Variants in CAB39 observed in about 807,000 individuals in gnomAD.
The protein encoded by CAB39 is calcium-binding protein 39.
In CAB39, 8 loss-of-function variants were observed where a neutral mutation model predicts 40.0. The ratio of observed to expected loss-of-function variants is 0.20; its 90% confidence interval spans 0.12 to 0.36. The LOEUF (loss-of-function observed/expected upper bound fraction) is 0.36. CAB39 is among the 10% of genes least tolerant of loss of function. The pLI is 1.00. For missense variants in CAB39, 270 were observed against 401.1 expected (o/e 0.67, Z 2.79); for synonymous variants, 156 against 141.6 (o/e 1.10, Z -0.72).
At chr2:230,746,079 T>C (rs1362684928) in intron 1 of CAB39, among the ~76,000 whole-genome samples, 1 of 152,220 alleles carries the variant, frequency 6.6e-6, no homozygotes, top group African/African-American at 2.4e-5. Context: ...GTGATTACTG[T>C]GTTTAAAATT....
rs1696499958 is a variant in CAB39, at chr2:230,821,049, T to C, written c.*2345T>C. 1 of 152,540 alleles carries C rather than the reference T, an allele frequency of 6.6e-6. No homozygotes were observed. Among genetic ancestry groups the C allele is most frequent in the Non-Finnish European group, 1.5e-5 (1 of 68,044 alleles). The allele number at this position is 152,540 out of a possible 1,614,324, so 9.4% of individuals were successfully genotyped here. Reference sequence around the variant, plus strand: ...TATCTGGCTGGCCCTGTAATTTAAATTAAAATAAAATTTTGGAGAAACAGC... The same window carrying C: ...TATCTGGCTGGCCCTGTAATTTAAACTAAAATAAAATTTTGGAGAAACAGC... On this transcript the variant is annotated 3_prime_UTR_variant, in exon 9 of 9. Transcript: ENST00000258418.
chr2:230,718,458 T>A (rs1694390460), intron 1 of CAB39, among the ~76,000 whole-genome samples: 1 of 152,164 alleles, frequency 6.6e-6, no homozygotes, highest in Non-Finnish European at 1.5e-5. Flanking sequence ...GTTTATAGAA[T>A]TTGGAGAGGT....
rs1696034136 is a variant in CAB39, at chr2:230,798,737, C to T, written c.407C>T (p.Ser136Phe). ...ILFMLLKGYE[S>F]PEIALNCGIM... The stretch of plus-strand genomic sequence containing the variant: ...GTTTTTTGTTTTTGCAGGTATGAAT[C>T]TCCAGAAATAGCTCTAAATTGTGGA... Residue 136 changes from serine to phenylalanine, a missense_variant, in exon 5 of 9, where the codon TCT becomes TTT. Transcript: ENST00000258418. 6.3e-7 allele frequency: 1 copy of T among 1,579,268 alleles called. No individual in the cohort carries two copies. Among genetic ancestry groups the T allele is most frequent in the East Asian group, 2.3e-5 (1 of 44,138 alleles).
intron 1 of CAB39, among the ~76,000 whole-genome samples, chr2:230,735,470 C>T (rs1694772610): frequency 6.7e-6 from 1 of 149,612 alleles, no homozygotes; most frequent in African/African-American, 2.5e-5. Flanking sequence ...CCCAGCTCAG[C>T]CATTATTTTA....
chr2:230,787,054 A>G (rs1398404229), intron 2 of CAB39, among the ~76,000 whole-genome samples: 2 of 152,208 alleles, frequency 1.3e-5, no homozygotes, highest in African/African-American at 4.8e-5. Flanking sequence ...AAGCATTTAG[A>G]AAAGAATGTC....
chr2:230,732,972 A>AT (rs1694721136), intron 1 of CAB39, among the ~76,000 whole-genome samples: 1 of 152,196 alleles, frequency 6.6e-6, no homozygotes, highest in African/African-American at 2.4e-5. Context: ...ATTAAAAAAA[A>AT]TTTTAAATAT....
chr2:230,818,501 T>C lies in CAB39; in HGVS notation c.838-15T>C, dbSNP rs775643191. Reference sequence around the variant, plus strand: ...GTCCTTTCTCTGTGCCTCATGTGCGTTTCTCTCCACGCAGGTGTTTGTAGC... The same window carrying C: ...GTCCTTTCTCTGTGCCTCATGTGCGCTTCTCTCCACGCAGGTGTTTGTAGC... On this transcript the variant is annotated splice_polypyrimidine_tract_variant and intron_variant, in intron 8 of 8. Coordinates refer to ENST00000258418, the MANE Select transcript of CAB39 (RefSeq NM_016289.4). 3 of 1,610,758 alleles carry C rather than the reference T, an allele frequency of 1.9e-6. No homozygotes were observed. The highest frequency in any genetic ancestry group is 2.5e-6 in the Non-Finnish European group (3 of 1,177,930).
chr2:230,717,635 G>A (rs1388256338), intron 1 of CAB39, among the ~76,000 whole-genome samples: 2 of 152,192 alleles, frequency 1.3e-5, no homozygotes, highest in Non-Finnish European at 2.9e-5. Context: ...CAGGCCCTCC[G>A]AGGATTATGA....
chr2:230,791,868 GTAA>G (rs1381590291), intron 3 of CAB39, among the ~76,000 whole-genome samples: 2 of 152,194 alleles, frequency 1.3e-5, no homozygotes, highest in Non-Finnish European at 2.9e-5. Flanking sequence ...TGCATATATG[GTAA>G]TGAAGCTAAT....
At chr2:230,748,832 ATATATATATATATATATATATATAT>A (rs1193401887) in intron 1 of CAB39, among the ~76,000 whole-genome samples, 2 of 21,748 alleles carry the variant, frequency 9.2e-5, no homozygotes, top group Admixed American at 6.6e-4. Context: ...AAAAAAAAAA[ATATATATATATATATATATATATAT>A]ATATATATAT....
intron 1 of CAB39, among the ~76,000 whole-genome samples, chr2:230,746,166 G>A (rs1006251962): frequency 6.6e-6 from 1 of 152,186 alleles, no homozygotes; most frequent in Admixed American, 6.5e-5. Context: ...ACAAAAAGTA[G>A]AATCTGGAAT....
chr2:230,801,426 T>A (rs563308448), intron 5 of CAB39, among the ~76,000 whole-genome samples: 3 of 152,222 alleles, frequency 2.0e-5, no homozygotes, highest in African/African-American at 7.2e-5. Flanking sequence ...CATATTCTTA[T>A]AATGGAAAAG....
At chr2:230,727,048 AC>A (rs1255337998) in intron 1 of CAB39, among the ~76,000 whole-genome samples, 1 of 151,912 alleles carries the variant, frequency 6.6e-6, no homozygotes, top group Non-Finnish European at 1.5e-5. Context: ...GAGGAACAAG[AC>A]ATAGGAGTAT....
intron 2 of CAB39, among the ~76,000 whole-genome samples, chr2:230,773,298 G>GTGTATATATATATA (rs759059088): frequency 7.8e-6 from 1 of 127,780 alleles, no homozygotes. Context: ...GGGTGTATGT[G>GTGTATATATATATA]TATATATATA....
intron 2 of CAB39, among the ~76,000 whole-genome samples, chr2:230,775,443 C>A (rs1302855144): frequency 6.6e-6 from 1 of 151,936 alleles, no homozygotes; most frequent in Admixed American, 6.6e-5. Context: ...CCCATGTTGA[C>A]CAGGATGGTC....
At chr2:230,725,803 G>C (rs1431599831) in intron 1 of CAB39, among the ~76,000 whole-genome samples, 1 of 152,184 alleles carries the variant, frequency 6.6e-6, no homozygotes, top group Non-Finnish European at 1.5e-5. Flanking sequence ...TGCTGTCAGT[G>C]ATCTTTGAGG....
intron 1 of CAB39, among the ~76,000 whole-genome samples, chr2:230,733,593 C>A (rs947589625): frequency 6.6e-6 from 1 of 152,188 alleles, no homozygotes; most frequent in Non-Finnish European, 1.5e-5. Context: ...CTTCACTCTC[C>A]CATAAGTAGC....
At chr2:230,810,965 G>A (rs1696293326) in intron 6 of CAB39, among the ~76,000 whole-genome samples, 1 of 152,174 alleles carries the variant, frequency 6.6e-6, no homozygotes, top group African/African-American at 2.4e-5. Context: ...CCGCACAACT[G>A]CCTCTAGGGC....
chr2:230,718,448 G>A (rs554342535), intron 1 of CAB39, among the ~76,000 whole-genome samples: 1 of 152,316 alleles, frequency 6.6e-6, no homozygotes, highest in African/African-American at 2.4e-5. Flanking sequence ...CCGCTTTTAG[G>A]TTTATAGAAT....
Sources: gnomAD v4.1 joint callset for allele counts (sites outside exome capture counted in the v4.1 genomes callset) on GRCh38, gnomAD v4.1.1 for gene constraint, MANE v1.5 for transcripts, NCBI Gene and HGNC (gene_info 2026-07-23, HGNC 2026-07-21) for gene names.